Variants in CCDC61 observed in about 807,000 individuals in gnomAD.
CCDC61 encodes centrosomal protein CCDC61.
CCDC61 carries 55 observed loss-of-function variants against 63.0 expected under a neutral mutation model. That is an observed-to-expected ratio of 0.87 (90% confidence interval 0.70 to 1.09). The LOEUF (loss-of-function observed/expected upper bound fraction) is 1.09. CCDC61 is among the 50% of genes least tolerant of loss of function. The pLI, the probability that CCDC61 is intolerant of heterozygous loss-of-function variation, is 0.00. For synonymous variants in CCDC61, 270 were observed against 317.0 expected, an observed-to-expected ratio of 0.85 and a Z score of 1.58; for missense variants, 651 against 731.4, an observed-to-expected ratio of 0.89 and a Z score of 1.27.
In CCDC61 at chr19:46,015,533, A is replaced by C; in HGVS notation, c.845+106A>C. 4.7e-4 allele frequency: 1 copy of C among 2,134 alleles called. No homozygotes were observed. Among genetic ancestry groups the C allele is most frequent in the Non-Finnish European group, 9.3e-4 (1 of 1,078 alleles). The allele number at this position is 2,134 out of a possible 1,614,324, so 0.1% of individuals were successfully genotyped here. A position where few individuals can be genotyped will look rare whatever the true frequency, so the allele number is the denominator to read the frequency against. ...GGCGGGGCGGGGCCAGGTAGGGTGG[A>C]GGGGGCGGGGCTGAAGGGGAGGCGG... is the stretch of plus-strand genomic sequence containing the variant. On this transcript the variant is annotated intron_variant, in intron 7 of 13. Transcript: ENST00000595358. This position sits in a 1 kb window ranked among gnomAD's most constrained non-coding sequence, Gnocchi z 5.3.
At chr19:46,009,884 T>C (rs1243630008) in intron 5 of CCDC61, among the ~76,000 whole-genome samples, 1 of 147,470 alleles carries the variant, frequency 6.8e-6, no homozygotes, top group African/African-American at 2.4e-5. Context: ...TGTTTCTAGG[T>C]TTGTGTTTCT....
chr19:46,014,777 A>G (rs1968890999), intron 5 of CCDC61, among the ~76,000 whole-genome samples: 1 of 151,984 alleles, frequency 6.6e-6, no homozygotes, highest in Admixed American at 6.6e-5. Flanking sequence ...CCACTCCTTC[A>G]CCCGCACCAG....
intron 11 of CCDC61, 80 bp from the exon 12 acceptor site, chr19:46,017,167 C>T: frequency 6.5e-7 from 1 of 1,531,296 alleles, no homozygotes; most frequent in South Asian, 1.2e-5. Flanking sequence ...AGCCTGGGGG[C>T]CTTGAAACCA....
At chr19:45,996,121 G>T (rs1968487074) in intron 1 of CCDC61, 1 of 153,720 alleles carries the variant, frequency 6.5e-6, no homozygotes, top group African/African-American at 2.4e-5. Context: ...TGTGGCTTTG[G>T]GCCAGTTGTT....
intron 5 of CCDC61, among the ~76,000 whole-genome samples, chr19:46,014,136 A>T (rs866374744): frequency 2.9e-4 from 44 of 152,198 alleles, no homozygotes; most frequent in Admixed American, 1.8e-3. Flanking sequence ...TACATTTTTT[A>T]AAAAATTATT....
chr19:46,014,942 G>C, intron 5 of CCDC61, 107 bp from the exon 6 acceptor site: 1 of 957,168 alleles, frequency 1.0e-6, no homozygotes, highest in Non-Finnish European at 1.5e-6. Context: ...CTGATGAGCC[G>C]TGTACCCCCT....
Position 46,016,327 on chromosome 19 carries a change from C to T in CCDC61, c.1025C>T (p.Ala342Val), listed in dbSNP as rs181058843. ...RPSPSPTGGRALRFDPTAFVK... is the reference protein window; with the variant it reads ...RPSPSPTGGRVLRFDPTAFVK... ...TCCCACGCCGTCCTAGGTGGTCGCG[C>T]GCTCCGCTTCGACCCCACGGCCTTT... Residue 342 changes from alanine (A) to valine (V), a missense_variant, in exon 9 of 14, where the codon GCG (alanine) becomes GTG (valine). Coordinates refer to ENST00000595358, the MANE Select transcript of CCDC61 (RefSeq NM_001267723.2). The surrounding 1 kb of genome is among the most constrained non-coding windows in gnomAD (Gnocchi z 7.2). The T allele has an allele frequency of 1.2e-5, 20 of 1,613,872 alleles. No individual in the cohort carries two copies. The highest frequency in any genetic ancestry group is 3.3e-4 in the Middle Eastern group (2 of 6,060).
At chr19:46,008,693 G>GC (rs1268159870) in intron 5 of CCDC61, among the ~76,000 whole-genome samples, 10 of 152,332 alleles carry the variant, frequency 6.6e-5, no homozygotes, top group African/African-American at 2.4e-4. Flanking sequence ...ACAGGCATGA[G>GC]CCACTGCGCC....
Position 46,017,198 on chromosome 19 carries a change from AG to A in CCDC61, c.1311-48del. 3 of 1,547,006 alleles carry A rather than the reference AG, an allele frequency of 1.9e-6. No individual in the cohort carries two copies. In the East Asian group the frequency reaches 7.3e-5, roughly 38 times the overall value. ...AACCACAAAGGTCGGGGAGGTGGGAAGTACCAGAGCCTCCCCACCACTGGTC... is the reference window on the plus strand; with the variant it reads ...AACCACAAAGGTCGGGGAGGTGGGAATACCAGAGCCTCCCCACCACTGGTC... On this transcript the variant is annotated intron_variant, in intron 11 of 13. Coordinates refer to ENST00000595358, the MANE Select transcript of CCDC61 (RefSeq NM_001267723.2).
intron 1 of CCDC61, among the ~76,000 whole-genome samples, chr19:45,995,733 A>G (rs1047179464): frequency 5.3e-5 from 8 of 152,108 alleles, no homozygotes; most frequent in Admixed American, 4.6e-4. Context: ...AGGGTCTTCA[A>G]TGGGGAAAGT....
At chr19:46,011,171 C>T (rs1968822825) in intron 5 of CCDC61, among the ~76,000 whole-genome samples, 2 of 151,830 alleles carry the variant, frequency 1.3e-5, no homozygotes, top group African/African-American at 4.8e-5. Context: ...ACCTCAGCTT[C>T]CTGAGTAGCT....
intron 1 of CCDC61, among the ~76,000 whole-genome samples, chr19:46,002,126 A>G (rs8100577): frequency 0.011 from 1,635 of 151,672 alleles, 33 homozygotes; most frequent in African/African-American, 0.038. Flanking sequence ...TTGTATTTTT[A>G]GTAGAGATGG....
At chr19:46,007,163 C>T (rs1239636684) in intron 4 of CCDC61, among the ~76,000 whole-genome samples, 1 of 151,912 alleles carries the variant, frequency 6.6e-6, no homozygotes, top group African/African-American at 2.4e-5. Context: ...ATTCTTGTGC[C>T]TCAGCCTCCA....
chr19:46,016,589 C>G lies in CCDC61; in HGVS notation c.1092-105C>G. ...GCGTGCTTTCCGCTCGTAGGCCTGT[C>G]ACCTCAGGCTTTCGCTGGCGTGGCT... On this transcript the variant is annotated intron_variant, in intron 9 of 13. Transcript: ENST00000595358. This position sits in a 1 kb window ranked among gnomAD's most constrained non-coding sequence, Gnocchi z 7.2. 6.6e-7 allele frequency: 1 copy of G among 1,512,882 alleles called. No homozygotes were observed. Among genetic ancestry groups the G allele is most frequent in the South Asian group, 1.2e-5 (1 of 81,392 alleles). The allele number at this position is 1,512,882 out of a possible 1,614,324, so 93.7% of individuals were successfully genotyped here.
intron 3 of CCDC61, 54 bp from the exon 4 acceptor site, chr19:46,006,505 C>A: frequency 6.8e-7 from 1 of 1,465,680 alleles, no homozygotes; most frequent in Middle Eastern, 1.8e-4. Flanking sequence ...GCTAGGTGCC[C>A]TCCGTGTGGC....
At chr19:45,996,564 A>G (rs2146447305) in intron 1 of CCDC61, among the ~76,000 whole-genome samples, 1 of 151,774 alleles carries the variant, frequency 6.6e-6, no homozygotes, top group Non-Finnish European at 1.5e-5. Flanking sequence ...ACACCCAGCT[A>G]ATTGTTTGTA....
Position 46,018,311 on chromosome 19 carries a change from C to G in CCDC61, c.1463C>G (p.Ala488Gly), listed in dbSNP as rs200930017. 1 of 1,571,740 alleles carries G rather than the reference C, an allele frequency of 6.4e-7. No homozygotes were observed. Among genetic ancestry groups the G allele is most frequent in the Non-Finnish European group, 8.6e-7 (1 of 1,158,930 alleles). Residue 488 changes from alanine (A) to glycine (G), a missense_variant, in exon 14 of 14, where the codon GCG becomes GGG. Ala to Gly is a moderately conservative substitution (Grantham distance 60). Transcript: ENST00000595358. This position sits in a 1 kb window ranked among gnomAD's most constrained non-coding sequence, Gnocchi z 4.2. Reference protein sequence around the residue: ...PIKEYSSEHQAADMAEIDARL... With the variant: ...PIKEYSSEHQGADMAEIDARL... The stretch of plus-strand genomic sequence containing the variant: ...ACAGAGTACAGCTCGGAGCACCAGG[C>G]GGCTGACATGGCCGAAATAGACGCA...
At position 46,016,885 on chromosome 19, in the gene CCDC61, T is replaced by C; in HGVS notation, c.1231+52T>C. ...CGGGCTAGGCGGGACTGGGCGGGGCTGGGCGGGCTGGGAGGCACTGGGCAG... is the reference window on the plus strand; with the variant it reads ...CGGGCTAGGCGGGACTGGGCGGGGCCGGGCGGGCTGGGAGGCACTGGGCAG... On this transcript the variant is annotated intron_variant, in intron 10 of 13. Transcript: ENST00000595358. This position sits in a 1 kb window ranked among gnomAD's most constrained non-coding sequence, Gnocchi z 7.2. 4.1e-6 allele frequency: 1 copy of C among 243,492 alleles called. No homozygotes were observed. Among genetic ancestry groups the C allele is most frequent in the Non-Finnish European group, 7.7e-6 (1 of 129,262 alleles). 15.1% of individuals were successfully genotyped at this position (243,492 alleles called of 1,614,324 possible).
At chr19:46,011,220 C>A (rs925127810) in intron 5 of CCDC61, among the ~76,000 whole-genome samples, 1 of 151,898 alleles carries the variant, frequency 6.6e-6, no homozygotes, top group Non-Finnish European at 1.5e-5. Context: ...AGCTAATTTT[C>A]ATATTTTTTT....
Sources: gnomAD v4.1 joint callset for allele counts (sites outside exome capture counted in the v4.1 genomes callset) on GRCh38, gnomAD v4.1.1 for gene constraint, Gnocchi (gnomAD v3.1) non-coding constraint, MANE v1.5 for transcripts, NCBI Gene and HGNC (gene_info 2026-07-23, HGNC 2026-07-21) for gene names.